The following KDM3A variants were observed in gnomAD, a reference collection of about 807,000 sequenced individuals.
KDM3A encodes lysine-specific demethylase 3A.
A neutral mutation model predicts 158.0 loss-of-function variants in KDM3A; 60 were observed. The ratio of observed to expected loss-of-function variants is 0.38; its 90% CI spans 0.31 to 0.47. The LOEUF (loss-of-function observed/expected upper bound fraction) is 0.47, where lower values mean the gene tolerates loss of function less well. KDM3A is among the 20% of genes least tolerant of loss of function. The pLI, the probability that KDM3A is intolerant of heterozygous loss-of-function variation, is 0.99. For synonymous variants in KDM3A, 608 were observed against 549.3 expected, an observed-to-expected ratio of 1.11 and a Z score of -1.49; for missense variants, 1,319 against 1,574.3, an observed-to-expected ratio of 0.84 and a Z score of 2.74.
intron 18 of KDM3A, 147 bp downstream of exon 18, chr2:86,482,841 G>A (rs1674004547): frequency 6.5e-6 from 5 of 766,488 alleles, no homozygotes; most frequent in Non-Finnish European, 1.1e-5. Context: ...AATCAGGTCA[G>A]GATGTGGCCA....
rs760998723 is a variant in KDM3A at position 86,477,990 on chromosome 2, G to C, written c.2053G>C (p.Val685Leu). 2.5e-6 allele frequency: 4 copies of C among 1,614,162 alleles called. No homozygotes were observed. The highest frequency in any genetic ancestry group is 3.4e-6 in the Non-Finnish European group (4 of 1,180,012). The change falls in exon 13 of 26, where the codon GTG (valine) becomes CTG (leucine). Residue 685 changes from valine to leucine, a missense_variant. This residue lies in a region of KDM3A where 113 missense variants were observed against 190.5 expected (regional missense o/e 0.59). Transcript: ENST00000312912. ...VCPRCGFGVCVDCYRMKRKNC... is the reference protein window; with the variant it reads ...VCPRCGFGVCLDCYRMKRKNC... Reference sequence around the variant, plus strand: ...TCCTCGGTGTGGGTTTGGAGTATGTGTGGACTGCTACCGGATGAAGAGAAA... The same window carrying C: ...TCCTCGGTGTGGGTTTGGAGTATGTCTGGACTGCTACCGGATGAAGAGAAA...
chr2:86,472,549 A>G (rs114675714), intron 11 of KDM3A, among the ~76,000 whole-genome samples: 132 of 152,252 alleles, frequency 8.7e-4, no homozygotes, highest in African/African-American at 2.9e-3. Flanking sequence ...GACTATCTCT[A>G]ATTTGGGCCA....
At chr2:86,448,960 G>T (rs1404867043) in intron 2 of KDM3A, among the ~76,000 whole-genome samples, 3 of 152,162 alleles carry the variant, frequency 2.0e-5, no homozygotes, top group Non-Finnish European at 4.4e-5. Context: ...ATATGACTTT[G>T]AGTTTTATGG....
At chr2:86,488,003 A>G (rs1355651839) in intron 21 of KDM3A, 1 of 121,532 alleles carries the variant, frequency 8.2e-6, no homozygotes. Context: ...TCCTCTTCCT[A>G]TTGCCCTTAG....
intron 14 of KDM3A, 152 bp downstream of exon 14, chr2:86,478,417 T>G: frequency 1.2e-6 from 1 of 848,670 alleles, no homozygotes; most frequent in Admixed American, 2.8e-5. Flanking sequence ...CCAACACTTT[T>G]CGAGTCAAGT....
intron 16 of KDM3A, among the ~76,000 whole-genome samples, chr2:86,481,395 G>A (rs1673918977): frequency 6.6e-6 from 1 of 152,194 alleles, no homozygotes; most frequent in African/African-American, 2.4e-5. Flanking sequence ...TAGGATTATA[G>A]ACGCCTGCCA....
chr2:86,462,984 G>C (rs1472832418), intron 8 of KDM3A, among the ~76,000 whole-genome samples: 2 of 152,070 alleles, frequency 1.3e-5, no homozygotes, highest in South Asian at 4.1e-4. Context: ...CCAGCTACTC[G>C]GGAGGCTGAG....
rs373726874 is a variant in KDM3A at position 86,463,960 on chromosome 2, T to C, written c.844-93T>C. The C allele has an allele frequency of 4.0e-5, 35 of 870,434 alleles. No homozygotes were observed. The African/African-American group carries it at 5.5e-4, about 14-fold the overall frequency. The allele number at this position is 870,434 out of a possible 1,614,324, so 53.9% of individuals were successfully genotyped here. A position where few individuals can be genotyped will look rare whatever the true frequency, so the allele number is the denominator to read the frequency against. On this transcript the variant is annotated intron_variant, in intron 8 of 25. Coordinates refer to ENST00000312912, the MANE Select transcript of KDM3A (RefSeq NM_018433.6). ...ATTTGGCAATGGTATTATGTTTGTT[T>C]AGTATTAAGCAAATGATCTTAAATT...
At chr2:86,469,166 G>C (rs1673290010) in intron 10 of KDM3A, among the ~76,000 whole-genome samples, 2 of 152,170 alleles carry the variant, frequency 1.3e-5, no homozygotes, top group Admixed American at 6.5e-5. Flanking sequence ...GTCTAGTCCT[G>C]CTTTAAAAGA....
chr2:86,489,399 A>G lies in KDM3A; in HGVS notation c.3395A>G (p.Tyr1132Cys). The G allele has an allele frequency of 1.9e-6, 3 of 1,614,058 alleles. No individual in the cohort carries two copies. Among genetic ancestry groups the G allele is most frequent in the East Asian group, 2.2e-5 (1 of 44,872 alleles). Reference sequence around the variant, plus strand: ...TCTGATGCAGCTAATGTCATGGTCTATGTGGGAATTCCCAAAGGACAGTGT... The same window carrying G: ...TCTGATGCAGCTAATGTCATGGTCTGTGTGGGAATTCCCAAAGGACAGTGT... ...DVSDAANVMV[Y>C]VGIPKGQCEQ... Residue 1132 changes from tyrosine to cysteine, a missense_variant, in exon 22 of 26, where the codon TAT becomes TGT. Coordinates refer to ENST00000312912, the MANE Select transcript of KDM3A (RefSeq NM_018433.6).
intron 11 of KDM3A, among the ~76,000 whole-genome samples, chr2:86,474,517 G>A (rs562263274): frequency 1.3e-5 from 2 of 152,146 alleles, no homozygotes; most frequent in South Asian, 4.2e-4. Flanking sequence ...ACAAAAATTA[G>A]GCGGGAGTGG....
intron 12 of KDM3A, among the ~76,000 whole-genome samples, chr2:86,476,867 C>A (rs765544654): frequency 1.1e-4 from 16 of 152,146 alleles, no homozygotes; most frequent in Non-Finnish European, 8.8e-5. Context: ...ATGAGTTAAC[C>A]CCAAACTGGA....
Position 86,485,029 on chromosome 2 carries a change from G to A in KDM3A, c.3182G>A (p.Arg1061Lys). The change falls in exon 20 of 26, where the codon AGG (arginine) becomes AAG (lysine). Residue 1061 changes from arginine to lysine, a missense_variant and splice_region_variant. Coordinates refer to ENST00000312912, the MANE Select transcript of KDM3A (RefSeq NM_018433.6). Reference protein sequence around the residue: ...GEDFRDMMPSRFDDLMANIPL... With the variant: ...GEDFRDMMPSKFDDLMANIPL... ...GATTTTAGAGATATGATGCCTTCCAGGTATGATTATGAAGGTGGGGAGAGA... is the reference window on the plus strand; with the variant it reads ...GATTTTAGAGATATGATGCCTTCCAAGTATGATTATGAAGGTGGGGAGAGA... 1 of 1,535,578 alleles carries A rather than the reference G, an allele frequency of 6.5e-7. No homozygotes were observed. Among genetic ancestry groups the A allele is most frequent in the Non-Finnish European group, 9.0e-7 (1 of 1,108,798 alleles).
Position 86,474,746 on chromosome 2 carries a change from T to TG in KDM3A, c.1725-30_1725-29insG, listed in dbSNP as rs1220372070. On this transcript the variant is annotated intron_variant, in intron 11 of 25. Coordinates refer to ENST00000312912, the MANE Select transcript of KDM3A (RefSeq NM_018433.6). ...GTGTGTGTGTGTGTGTGTGTGTACA[T>TG]TACATCTTTTTTTCCCCTGCTTCCC... The TG allele has an allele frequency of 4.9e-6, 5 of 1,022,504 alleles. No homozygotes were observed. In the South Asian group the frequency reaches 5.2e-5, roughly 11 times the overall value. The allele number at this position is 1,022,504 out of a possible 1,614,324, so 63.3% of individuals were successfully genotyped here. A position where few individuals can be genotyped will look rare whatever the true frequency, so the allele number is the denominator to read the frequency against.
In KDM3A at chr2:86,477,871, T is replaced by C; in HGVS notation, c.1940-6T>C. On this transcript the variant is annotated splice_region_variant and splice_polypyrimidine_tract_variant and intron_variant, in intron 12 of 25. Transcript: ENST00000312912. ...CAAAGACTAAGTGATTTACTGATTTTTGCAGGACAGGTTGCTTGGAAGCGA... is the reference window on the plus strand; with the variant it reads ...CAAAGACTAAGTGATTTACTGATTTCTGCAGGACAGGTTGCTTGGAAGCGA... 1 of 1,597,010 alleles carries C rather than the reference T, an allele frequency of 6.3e-7. No homozygotes were observed. The highest frequency in any genetic ancestry group is 8.6e-7 in the Non-Finnish European group (1 of 1,169,328).
intron 18 of KDM3A, chr2:86,483,717 G>T (rs1374106265): frequency 4.2e-6 from 1 of 237,980 alleles, no homozygotes; most frequent in African/African-American, 2.3e-5. Context: ...CCGTCTTGCT[G>T]TAAGTAATGA....
chr2:86,443,355 C>T (rs1682821119), intron 2 of KDM3A: 1 of 152,122 alleles, frequency 6.6e-6, no homozygotes, highest in African/African-American at 2.4e-5. Flanking sequence ...CAGTGTATGC[C>T]CAAACTGGTA....
At chr2:86,474,707 G>GTT (rs1192290017) in intron 11 of KDM3A, 69 bp from the exon 12 acceptor site, 6 of 633,712 alleles carry the variant, frequency 9.5e-6, no homozygotes, top group Non-Finnish European at 1.7e-5. Context: ...TAAGTTGTGT[G>GTT]TGTGTGTGTG....
rs1376771720 is a variant in KDM3A at position 86,466,876 on chromosome 2, C to A, written c.1512C>A (p.Ile504=). The change falls in exon 10 of 26, where the codon ATC becomes ATA. Residue 504 remains isoleucine (I), a synonymous_variant. Coordinates refer to ENST00000312912, the MANE Select transcript of KDM3A (RefSeq NM_018433.6). The part of the protein sequence containing the change: ...ESCCSRSNNK[I]QNAPSRKSVL... ...GTTGTTCAAGAAGCAACAATAAAAT[C>A]CAGAATGGTGAGTGTTTCTCAATAT... The A allele has an allele frequency of 6.3e-7, 1 of 1,595,752 alleles. No homozygotes were observed. Among genetic ancestry groups the A allele is most frequent in the Admixed American group, 1.7e-5 (1 of 57,704 alleles).
Sources: gnomAD v4.1 joint callset for allele counts (sites outside exome capture counted in the v4.1 genomes callset) on GRCh38, gnomAD v4.1.1 for gene constraint, gnomAD v4.1.1 regional missense constraint, MANE v1.5 for transcripts, NCBI Gene and HGNC (gene_info 2026-07-23, HGNC 2026-07-21) for gene names.